The following FIG4 variants were observed in gnomAD, a reference collection of about 807,000 sequenced individuals.
FIG4 encodes the protein FIG4 phosphoinositide 5-phosphatase.
A neutral mutation model predicts 118.6 loss-of-function variants in FIG4; 112 were observed. The ratio of observed to expected loss-of-function variants is 0.94; its 90% CI spans 0.81 to 1.11. The LOEUF (loss-of-function observed/expected upper bound fraction) is 1.11, where lower values mean the gene tolerates loss of function less well. Among genes scored for constraint, FIG4 ranks in the 50% least tolerant of loss-of-function variants. FIG4 has a pLI of 0.00. For missense variants in FIG4, 969 were observed against 1,111.7 expected (o/e 0.87, Z 1.83); for synonymous variants, 369 against 381.2 (o/e 0.97, Z 0.37).
intron 10 of FIG4, among the ~76,000 whole-genome samples, chr6:109,751,970 T>C: frequency 7.2e-6 from 1 of 139,788 alleles, no homozygotes. Context: ...GTATATCTCC[T>C]AATGCTATCC....
chr6:109,769,674 C>A (rs558119104), intron 15 of FIG4, among the ~76,000 whole-genome samples: 1 of 150,816 alleles, frequency 6.6e-6, no homozygotes, highest in Admixed American at 6.6e-5. Flanking sequence ...TAATCCTGCA[C>A]TTTGGGAGAC....
intron 15 of FIG4, among the ~76,000 whole-genome samples, chr6:109,774,569 G>A (rs1486179712): frequency 2.0e-5 from 3 of 152,006 alleles, no homozygotes; most frequent in Non-Finnish European, 4.4e-5. Flanking sequence ...CTTTCAGAAA[G>A]GATGTAAACA....
At chr6:109,824,271 T>C (rs1779093276) in intron 22 of FIG4, among the ~76,000 whole-genome samples, 1 of 152,184 alleles carries the variant, frequency 6.6e-6, no homozygotes, top group African/African-American at 2.4e-5. Flanking sequence ...CAAGCCATCA[T>C]CCAAAAGCCG....
intron 15 of FIG4, among the ~76,000 whole-genome samples, chr6:109,769,993 T>A (rs756983112): frequency 6.6e-6 from 1 of 152,196 alleles, no homozygotes; most frequent in Admixed American, 6.5e-5. Context: ...TTTATGTGGA[T>A]GGACTGATGC....
At chr6:109,794,435 G>T (rs1778221650) in intron 21 of FIG4, among the ~76,000 whole-genome samples, 2 of 152,140 alleles carry the variant, frequency 1.3e-5, no homozygotes, top group Admixed American at 6.5e-5. Context: ...CTTTCCCTGT[G>T]AGTACCCCTT....
intron 16 of FIG4, among the ~76,000 whole-genome samples, 190 bp from the exon 17 acceptor site, chr6:109,784,780 G>A (rs1366281334): frequency 6.6e-6 from 1 of 152,224 alleles, no homozygotes; most frequent in Middle Eastern, 3.2e-3. Flanking sequence ...GAAGAAAGCA[G>A]TTGGGAAGGG....
chr6:109,715,679 C>G (rs1045405370), intron 2 of FIG4, among the ~76,000 whole-genome samples: 3 of 152,082 alleles, frequency 2.0e-5, no homozygotes, highest in Non-Finnish European at 2.9e-5. Flanking sequence ...GTCAAGAATA[C>G]AGAGGCTGGA....
At chr6:109,798,139 G>A (rs1398731802) in intron 22 of FIG4, among the ~76,000 whole-genome samples, 1 of 152,070 alleles carries the variant, frequency 6.6e-6, no homozygotes, top group African/African-American at 2.4e-5. Flanking sequence ...TATTAGTAAT[G>A]GCTCATAGTA....
intron 10 of FIG4, among the ~76,000 whole-genome samples, chr6:109,756,028 G>A (rs1441353710): frequency 2.0e-5 from 3 of 152,186 alleles, no homozygotes; most frequent in Admixed American, 6.5e-5. Flanking sequence ...TTTCTTCCTA[G>A]TCTCAATGGT....
At position 109,735,259 on chromosome 6, in the gene FIG4, A is replaced by G; in HGVS notation, c.607A>G (p.Ile203Val). ...MTQNRQESFD[I>V]FEDEGLITQG... is the part of the protein sequence containing the mutation. Reference sequence around the variant, plus strand: ...CCAGAATCGCCAAGAGAGCTTTGACATCTTTGAAGATGAAGGATTAATTAC... The same window carrying G: ...CCAGAATCGCCAAGAGAGCTTTGACGTCTTTGAAGATGAAGGATTAATTAC... The change falls in exon 6 of 23, where the codon ATC (isoleucine) becomes GTC (valine). Residue 203 changes from isoleucine to valine, a missense_variant. By Grantham distance (29) the Ile-to-Val change is conservative. This residue lies in a region of FIG4 where 393 missense variants were observed against 409.4 expected (regional missense o/e 0.96). Coordinates refer to ENST00000230124, the MANE Select transcript of FIG4 (RefSeq NM_014845.6). 6.2e-7 allele frequency: 1 copy of G among 1,613,656 alleles called. No homozygotes were observed. The highest frequency in any genetic ancestry group is 2.2e-5 in the East Asian group (1 of 44,850).
chr6:109,811,982 A>T (rs749776997), intron 22 of FIG4, among the ~76,000 whole-genome samples: 8 of 152,168 alleles, frequency 5.3e-5, no homozygotes, highest in Non-Finnish European at 8.8e-5. Flanking sequence ...ATCTTGAATT[A>T]TAATCCCCTT....
In FIG4 at chr6:109,796,757, A is replaced by G. The variant is rs201965891; in HGVS notation, c.2460-8A>G. ...CTTTAGCTGACTCTTATCCATTGTA[A>G]TTTGTAGATTTGTTCAGCTGGGGCA... On this transcript the variant is annotated splice_region_variant and splice_polypyrimidine_tract_variant and intron_variant, in intron 21 of 22. Transcript: ENST00000230124. 1.6e-5 allele frequency: 25 copies of G among 1,572,028 alleles called. No homozygotes were observed. The highest frequency in any genetic ancestry group is 2.2e-5 in the Non-Finnish European group (25 of 1,141,810).
At chr6:109,797,614 G>A (rs1583750366) in intron 22 of FIG4, among the ~76,000 whole-genome samples, 2 of 152,218 alleles carry the variant, frequency 1.3e-5, no homozygotes, top group South Asian at 4.1e-4. Flanking sequence ...GGTCACTGTG[G>A]GCGGGGCATG....
chr6:109,727,229 A>G lies in FIG4; in HGVS notation c.410A>G (p.Asn137Ser), dbSNP rs1188590666. The G allele has an allele frequency of 1.2e-5, 20 of 1,612,622 alleles. No individual in the cohort carries two copies. The highest frequency in any genetic ancestry group is 3.3e-5 in the Admixed American group (2 of 59,930). The change falls in exon 4 of 23, where the codon AAT (asparagine) becomes AGT (serine). Residue 137 changes from asparagine to serine, a missense_variant. Asn to Ser is a conservative substitution (Grantham distance 46). This residue lies in a region of FIG4 where 393 missense variants were observed against 409.4 expected (regional missense o/e 0.96). Transcript: ENST00000230124. ...GATACAAATATGATCTATATACCCA[A>G]TGATTCTGTACGGGTTACTCATCCT... is the stretch of plus-strand genomic sequence containing the variant. The part of the protein sequence containing the change: ...VEDTNMIYIP[N>S]DSVRVTHPDE...
chr6:109,739,951 T>C (rs943539933), intron 7 of FIG4, among the ~76,000 whole-genome samples: 1 of 152,110 alleles, frequency 6.6e-6, no homozygotes, highest in African/African-American at 2.4e-5. Context: ...CACAGAGGGA[T>C]TTTGAAATGA....
chr6:109,821,970 T>C (rs767461420), intron 22 of FIG4, among the ~76,000 whole-genome samples: 25 of 151,446 alleles, frequency 1.7e-4, no homozygotes, highest in Non-Finnish European at 3.5e-4. Flanking sequence ...AGCCCAGGAG[T>C]TCGAGGTTGC....
At chr6:109,758,795 T>G (rs934195148) in intron 10 of FIG4, among the ~76,000 whole-genome samples, 1 of 152,182 alleles carries the variant, frequency 6.6e-6, no homozygotes, top group Non-Finnish European at 1.5e-5. Context: ...GCGAAGGATA[T>G]GAACAGACAC....
At chr6:109,779,016 A>G (rs943411545) in intron 16 of FIG4, among the ~76,000 whole-genome samples, 6 of 152,204 alleles carry the variant, frequency 3.9e-5, no homozygotes, top group Admixed American at 2.0e-4. Context: ...TGGAATAACC[A>G]ACTTAATACT....
chr6:109,780,770 A>G (rs1182588144), intron 16 of FIG4, among the ~76,000 whole-genome samples: 1 of 152,216 alleles, frequency 6.6e-6, no homozygotes, highest in East Asian at 1.9e-4. Flanking sequence ...TTGCACAATA[A>G]GGGAAGAGGG....
Sources: gnomAD v4.1 joint callset for allele counts (sites outside exome capture counted in the v4.1 genomes callset) on GRCh38, gnomAD v4.1.1 for gene constraint, gnomAD v4.1.1 regional missense constraint, MANE v1.5 for transcripts, NCBI Gene and HGNC (gene_info 2026-07-23, HGNC 2026-07-21) for gene names.